The following MAPRE2 variants were observed in gnomAD, a reference collection of about 807,000 sequenced individuals.
The protein encoded by MAPRE2 is microtubule-associated protein RP/EB family member 2.
A neutral mutation model predicts 43.2 loss-of-function variants in MAPRE2; 13 were observed. The observed-to-expected ratio is 0.30, with a 90% CI of 0.20 to 0.48. The LOEUF is 0.48. Among genes scored for constraint, MAPRE2 ranks in the 20% least tolerant of loss-of-function variants. The pLI is 0.99. For synonymous variants in MAPRE2, 135 were observed against 148.8 expected (o/e 0.91, Z 0.68); for missense variants, 161 against 400.2 (o/e 0.40, Z 5.10).
intron 1 of MAPRE2, among the ~76,000 whole-genome samples, chr18:35,063,399 G>T (rs761993649): frequency 6.6e-6 from 1 of 151,774 alleles, no homozygotes; most frequent in Non-Finnish European, 1.5e-5. Context: ...GAGCCACTGC[G>T]CCCGGCCTCA....
At chr18:35,049,858 C>T (rs17645004) in intron 1 of MAPRE2, among the ~76,000 whole-genome samples, 60,768 of 151,982 alleles carry the variant, frequency 0.4, 12,917 homozygotes, top group Middle Eastern at 0.5. Context: ...ATTTGTCTTA[C>T]GAACATAGCC....
At chr18:35,081,517 G>A (rs9958973) in intron 2 of MAPRE2, among the ~76,000 whole-genome samples, 122 of 152,306 alleles carry the variant, frequency 8.0e-4, no homozygotes, top group African/African-American at 2.2e-3. Context: ...CTCTGGACGG[G>A]ACTCTTTTCA....
intron 6 of MAPRE2, among the ~76,000 whole-genome samples, chr18:35,138,999 A>C (rs1360434565): frequency 6.6e-6 from 1 of 152,208 alleles, no homozygotes; most frequent in Non-Finnish European, 1.5e-5. Flanking sequence ...TGTGGCACCG[A>C]GAATCCGATC....
rs1020197499 is a variant in MAPRE2, at chr18:35,104,929, A to G, written c.610+2770A>G. Among the ~76,000 whole-genome samples the G allele has an allele frequency of 7.9e-5, 12 of 152,184 alleles. 1 individual carries two copies. The highest frequency in any genetic ancestry group is 3.9e-4 in the Admixed American group (6 of 15,256). ...ATGGATAGCTTGGACTCGAAACTCA[A>G]CTGCCATTTTTTTCAAGTTTTCTGT... On this transcript the variant is annotated intron_variant, in intron 4 of 6. Coordinates refer to ENST00000300249, the MANE Select transcript of MAPRE2 (RefSeq NM_014268.4).
upstream of MAPRE2, among the ~76,000 whole-genome samples, chr18:35,040,740 G>T (rs1277939713): frequency 6.6e-6 from 1 of 152,120 alleles, no homozygotes; most frequent in Admixed American, 6.6e-5. Context: ...GTAAAATGGT[G>T]GTTATCTTTT....
At chr18:35,124,971 G>A (rs1352215551) in intron 4 of MAPRE2, among the ~76,000 whole-genome samples, 2 of 152,238 alleles carry the variant, frequency 1.3e-5, no homozygotes, top group Non-Finnish European at 2.9e-5. Context: ...AAAGCAAAAC[G>A]TCAGCTCTCT....
intron 4 of MAPRE2, among the ~76,000 whole-genome samples, chr18:35,109,568 A>G (rs1396823771): frequency 1.3e-5 from 2 of 151,972 alleles, no homozygotes; most frequent in Non-Finnish European, 2.9e-5. Flanking sequence ...TTTTTATTGT[A>G]TGAAGTGTTC....
intron 3 of MAPRE2, among the ~76,000 whole-genome samples, chr18:35,098,531 C>A (rs1378027484): frequency 3.9e-5 from 6 of 152,198 alleles, no homozygotes; most frequent in Non-Finnish European, 8.8e-5. Context: ...CCTGACTTCT[C>A]ATTGTCTTGG....
intron 5 of MAPRE2, among the ~76,000 whole-genome samples, chr18:35,131,178 C>T (rs1189972084): frequency 2.6e-5 from 4 of 152,180 alleles, no homozygotes; most frequent in Non-Finnish European, 4.4e-5. Flanking sequence ...TAATGTGGCT[C>T]AGTATCATTT....
intron 1 of MAPRE2, among the ~76,000 whole-genome samples, chr18:35,060,971 A>T (rs1463458854): frequency 1.3e-5 from 2 of 152,188 alleles, no homozygotes; most frequent in African/African-American, 2.4e-5. Context: ...GGCAAGAAAG[A>T]GCTTAATCTC....
chr18:35,131,440 A>G (rs1326214562), intron 5 of MAPRE2, among the ~76,000 whole-genome samples: 1 of 152,160 alleles, frequency 6.6e-6, no homozygotes, highest in Non-Finnish European at 1.5e-5. Flanking sequence ...GGGATGTCCA[A>G]GATCAAGGCG....
chr18:35,024,645 A>G (rs1006333715), intron 2 of MAPRE2, among the ~76,000 whole-genome samples: 1 of 152,124 alleles, frequency 6.6e-6, no homozygotes, highest in Non-Finnish European at 1.5e-5. Flanking sequence ...AATTATAATC[A>G]TGCAAAAATT....
chr18:35,083,732 G>C (rs1211602447), intron 2 of MAPRE2, among the ~76,000 whole-genome samples: 2 of 152,136 alleles, frequency 1.3e-5, no homozygotes, highest in Non-Finnish European at 2.9e-5. Context: ...GCATGAAACT[G>C]AGCGCTGGCC....
intron 2 of MAPRE2, among the ~76,000 whole-genome samples, chr18:35,079,271 A>G (rs1455011904): frequency 6.6e-6 from 1 of 152,132 alleles, no homozygotes; most frequent in Non-Finnish European, 1.5e-5. Context: ...AAATTACAAC[A>G]TCTCCTAGGA....
chr18:34,985,658 A>G (rs1224643585), intron 1 of MAPRE2, among the ~76,000 whole-genome samples: 1 of 104,706 alleles, frequency 9.6e-6, no homozygotes, highest in Non-Finnish European at 1.8e-5. Flanking sequence ...AACATATGAT[A>G]TATTATAATA....
chr18:35,051,981 T>A (rs1350499780), intron 1 of MAPRE2, among the ~76,000 whole-genome samples: 1 of 152,246 alleles, frequency 6.6e-6, no homozygotes, highest in East Asian at 1.9e-4. Flanking sequence ...AAGTACCCTG[T>A]ACAATACTTT....
intron 1 of MAPRE2, among the ~76,000 whole-genome samples, chr18:34,981,580 A>G (rs2097016234): frequency 6.6e-6 from 1 of 152,188 alleles, no homozygotes; most frequent in Non-Finnish European, 1.5e-5. Flanking sequence ...AAATTTATAT[A>G]GCCCTTTGGT....
intron 1 of MAPRE2, among the ~76,000 whole-genome samples, chr18:35,048,239 A>C (rs1213276990): frequency 6.6e-6 from 1 of 152,112 alleles, no homozygotes; most frequent in Admixed American, 6.5e-5. Context: ...AGCTCATGTG[A>C]GAAGTCACTC....
intron 1 of MAPRE2, among the ~76,000 whole-genome samples, chr18:35,042,923 TCA>T (rs1905438998): frequency 1.5e-5 from 1 of 64,978 alleles, no homozygotes; most frequent in African/African-American, 1.4e-4. Flanking sequence ...ATTTGTTGAC[TCA>T]AAAAAAAAAA....
Sources: gnomAD v4.1 joint callset for allele counts (sites outside exome capture counted in the v4.1 genomes callset) on GRCh38, gnomAD v4.1.1 for gene constraint, MANE v1.5 for transcripts, NCBI Gene and HGNC (gene_info 2026-07-23, HGNC 2026-07-21) for gene names.